The following BICDL1 variants were observed in gnomAD, a reference collection of about 807,000 sequenced individuals.
BICDL1 encodes BICD family like cargo adaptor 1.
BICDL1 carries 20 observed loss-of-function variants against 76.8 expected under a neutral mutation model. That is an observed-to-expected ratio of 0.26 (90% CI 0.18 to 0.38). The LOEUF (loss-of-function observed/expected upper bound fraction) is 0.38. Ranked by LOEUF, BICDL1 falls within the 10% of genes least tolerant of loss-of-function variation. BICDL1 has a pLI of 1.00. For synonymous variants in BICDL1, 383 were observed against 337.1 expected (o/e 1.14, Z -1.49); for missense variants, 700 against 798.6 (o/e 0.88, Z 1.49).
intron 2 of BICDL1, among the ~76,000 whole-genome samples, chr12:120,034,517 A>C (rs1210352175): frequency 1.3e-5 from 2 of 152,190 alleles, no homozygotes; most frequent in Non-Finnish European, 2.9e-5. Flanking sequence ...TTTGGGATGT[A>C]AGATCATCCC....
intron 2 of BICDL1, among the ~76,000 whole-genome samples, chr12:120,002,528 A>G (rs1306831958): frequency 6.6e-6 from 1 of 152,216 alleles, no homozygotes; most frequent in African/African-American, 2.4e-5. Context: ...TCATGGGAAG[A>G]TACTTAGAAC....
intron 8 of BICDL1, among the ~76,000 whole-genome samples, chr12:120,082,890 AT>A (rs1044695623): frequency 6.6e-6 from 1 of 150,756 alleles, no homozygotes; most frequent in African/African-American, 2.4e-5. Context: ...ATTTTACTTT[AT>A]TTTTTTTGAG....
At chr12:119,996,980 G>A (rs78785812) in intron 1 of BICDL1, among the ~76,000 whole-genome samples, 8,193 of 147,664 alleles carry the variant, frequency 0.055, 454 homozygotes, top group African/African-American at 0.14. Context: ...ACGGAGTCTC[G>A]CTCCGTCGTC....
At chr12:120,029,197 G>A (rs1031927804) in intron 2 of BICDL1, among the ~76,000 whole-genome samples, 1 of 149,634 alleles carries the variant, frequency 6.7e-6, no homozygotes, top group Non-Finnish European at 1.5e-5. Context: ...AAGGGAAGAC[G>A]TGTTGAGATC....
intron 2 of BICDL1, chr12:120,057,143 C>G (rs1285632214): frequency 1.9e-6 from 1 of 516,922 alleles, no homozygotes; most frequent in Non-Finnish European, 3.9e-6. Context: ...TGACAGGTTC[C>G]CAATTATTAC....
At chr12:120,001,957 A>C (rs189584043) in intron 2 of BICDL1, among the ~76,000 whole-genome samples, 171 of 152,276 alleles carry the variant, frequency 1.1e-3, no homozygotes, top group African/African-American at 4.0e-3. Flanking sequence ...GCTTGAGCCC[A>C]GGACTTTGAA....
Position 120,087,278 on chromosome 12 carries a change from G to T in BICDL1, c.1584-2673G>T, listed in dbSNP as rs887757054. 8.5e-5 allele frequency among the ~76,000 whole-genome samples: 13 copies of T among 152,376 alleles called. 1 individual carries two copies. The East Asian group carries it at 2.5e-3, about 29-fold the overall frequency. On this transcript the variant is annotated intron_variant, in intron 8 of 9. Transcript: ENST00000548673. The stretch of plus-strand genomic sequence containing the variant: ...GGGCTCGGGTCCCGTCGCTGCCGCA[G>T]TGGGCGGGGCTGACGCGGTGGCTGA...
chr12:119,998,212 A>G (rs909179859), intron 1 of BICDL1, among the ~76,000 whole-genome samples: 3 of 152,202 alleles, frequency 2.0e-5, no homozygotes, highest in African/African-American at 4.8e-5. Flanking sequence ...TAGTTCACCA[A>G]TTGATTAGAT....
intron 2 of BICDL1, among the ~76,000 whole-genome samples, chr12:120,048,069 A>T (rs1470782105): frequency 6.6e-6 from 1 of 152,132 alleles, no homozygotes; most frequent in Non-Finnish European, 1.5e-5. Context: ...TATGATTATT[A>T]TATCACTCTC....
At chr12:120,027,521 C>T (rs1301791623) in intron 2 of BICDL1, among the ~76,000 whole-genome samples, 1 of 152,034 alleles carries the variant, frequency 6.6e-6, no homozygotes, top group Non-Finnish European at 1.5e-5. Context: ...GTTGTTATCC[C>T]GGTTTTACAG....
At chr12:120,039,833 C>T (rs1325409388) in intron 2 of BICDL1, among the ~76,000 whole-genome samples, 7 of 152,072 alleles carry the variant, frequency 4.6e-5, no homozygotes, top group African/African-American at 1.4e-4. Context: ...CCCCACGTAC[C>T]GTATTACCTT....
intron 2 of BICDL1, among the ~76,000 whole-genome samples, chr12:120,055,769 T>A (rs1952959232): frequency 6.6e-6 from 1 of 152,236 alleles, no homozygotes; most frequent in Non-Finnish European, 1.5e-5. Context: ...AAACATTGCA[T>A]AATACCCAGT....
At chr12:120,010,423 A>G (rs1431906691) in intron 2 of BICDL1, among the ~76,000 whole-genome samples, 6 of 152,230 alleles carry the variant, frequency 3.9e-5, no homozygotes, top group Admixed American at 2.6e-4. Context: ...TACTTAATAA[A>G]AGATTACTTT....
At position 120,071,633 on chromosome 12, in the gene BICDL1, C is replaced by G. The variant is rs748146564; in HGVS notation, c.921C>G (p.Ser307Arg). ...GHDKDLQLHQ[S>R]QLELQEVRLS... ...TCTTTCTTTGAAAGCTGCACCAAAG[C>G]CAGCTGGAGCTTCAGGAGGTGCGTC... is the stretch of plus-strand genomic sequence containing the variant. Residue 307 changes from serine (S) to arginine (R), a missense_variant, in exon 5 of 10, where the codon AGC (serine) becomes AGG (arginine). Ser to Arg is a moderately radical substitution (Grantham distance 110, BLOSUM62 -1). This residue lies in a region of BICDL1 where 455 missense variants were observed against 548.7 expected (regional missense o/e 0.83). Transcript: ENST00000548673. The surrounding 1 kb of genome is among the most constrained non-coding windows in gnomAD (Gnocchi z 4.8). The G allele has an allele frequency of 1.9e-6, 3 of 1,605,648 alleles. No individual in the cohort carries two copies. The East Asian group carries it at 6.7e-5, about 36-fold the overall frequency.
At chr12:120,039,088 G>A (rs1952581541) in intron 2 of BICDL1, among the ~76,000 whole-genome samples, 1 of 152,068 alleles carries the variant, frequency 6.6e-6, no homozygotes, top group South Asian at 2.1e-4. Flanking sequence ...CCTGAGGTCA[G>A]GAGTTTGAGA....
rs551935038 is a variant in BICDL1 at position 120,093,541 on chromosome 12, C to T, written c.*380C>T. ...CTCCTTGATTTTAGCAAATGGGGAACAGAAGGAATGGAGGCCCTTCTCTGC... is the reference window on the plus strand; with the variant it reads ...CTCCTTGATTTTAGCAAATGGGGAATAGAAGGAATGGAGGCCCTTCTCTGC... On this transcript the variant is annotated 3_prime_UTR_variant, in exon 10 of 10. Transcript: ENST00000548673. 7 of 229,254 alleles carry T rather than the reference C, an allele frequency of 3.1e-5. No individual in the cohort carries two copies. The East Asian group carries it at 9.4e-4, about 31-fold the overall frequency. The allele number at this position is 229,254 out of a possible 1,614,324, so 14.2% of individuals were successfully genotyped here. A position where few individuals can be genotyped will look rare whatever the true frequency, so the allele number is the denominator to read the frequency against.
rs371058585 is a variant in BICDL1 at position 120,094,224 on chromosome 12, G to C, written c.*1063G>C. On this transcript the variant is annotated 3_prime_UTR_variant, in exon 10 of 10. Coordinates refer to ENST00000548673, the MANE Select transcript of BICDL1 (RefSeq NM_001367886.1). ...CCAGGCCCCAACTCAGAGGCTCCGC[G>C]GCCCGGCCAGCCCTCAGCTGCTCAC... is the stretch of plus-strand genomic sequence containing the variant. The C allele has an allele frequency of 1.5e-5, 7 of 456,540 alleles. No homozygotes were observed. The highest frequency in any genetic ancestry group is 1.2e-4 in the African/African-American group (6 of 50,182). The allele number at this position is 456,540 out of a possible 1,614,324, so 28.3% of individuals were successfully genotyped here. A position where few individuals can be genotyped will look rare whatever the true frequency, so the allele number is the denominator to read the frequency against.
chr12:119,995,192 C>A (rs1566200338), intron 1 of BICDL1, among the ~76,000 whole-genome samples: 1 of 152,282 alleles, frequency 6.6e-6, no homozygotes, highest in South Asian at 2.1e-4. Flanking sequence ...CTGACAGTCT[C>A]CCTAGAGTTT....
chr12:120,051,281 C>T (rs954653648), intron 2 of BICDL1, among the ~76,000 whole-genome samples: 2 of 151,354 alleles, frequency 1.3e-5, no homozygotes, highest in Non-Finnish European at 2.9e-5. Context: ...ATCCTGACTT[C>T]GTGATCTGCC....
Sources: allele counts gnomAD v4.1 joint callset (sites outside exome capture counted in the v4.1 genomes callset), GRCh38; gene constraint gnomAD v4.1.1; regional missense constraint gnomAD v4.1.1; non-coding constraint Gnocchi (gnomAD v3.1); transcripts MANE v1.5; gene names NCBI Gene and HGNC (gene_info 2026-07-23, HGNC 2026-07-21).